NRAP: variants seen among roughly 807,000 people sequenced by gnomAD.
The protein encoded by NRAP is nebulin related anchoring protein.
NRAP carries 189 observed loss-of-function variants against 225.9 expected under a neutral mutation model. That is an observed-to-expected ratio of 0.84 (90% CI 0.74 to 0.94). NRAP has a LOEUF of 0.94. Ranked by LOEUF, NRAP falls within the 40% of genes least tolerant of loss-of-function variation. NRAP has a pLI of 0.00. For synonymous variants in NRAP, 769 were observed against 790.7 expected, an observed-to-expected ratio of 0.97 and a Z score of 0.46; for missense variants, 2,176 against 2,168.7, an observed-to-expected ratio of 1.00 and a Z score of -0.07.
chr10:113,629,842 G>T, intron 18 of NRAP, 57 bp from the exon 19 acceptor site: 1 of 1,224,880 alleles, frequency 8.2e-7, no homozygotes, highest in Non-Finnish European at 1.2e-6. Flanking sequence ...CTTTGCAGGA[G>T]TGATGTGAAA....
chr10:113,637,756 T>G (rs1446823026), intron 14 of NRAP, among the ~76,000 whole-genome samples: 2 of 152,244 alleles, frequency 1.3e-5, no homozygotes, highest in East Asian at 3.9e-4. Context: ...AAACACCATC[T>G]CTACTAAAAA....
At chr10:113,634,077 C>T (rs746930686) in intron 15 of NRAP, 35 bp downstream of exon 15, 2 of 1,429,396 alleles carry the variant, frequency 1.4e-6, no homozygotes, top group East Asian at 4.6e-5. Flanking sequence ...AATTTCAAGA[C>T]CCCTACATCC....
intron 6 of NRAP, 55 bp from the exon 7 acceptor site, chr10:113,651,962 A>G: frequency 1.8e-6 from 2 of 1,103,582 alleles, no homozygotes; most frequent in Non-Finnish European, 2.8e-6. Flanking sequence ...CTCCTCAGTG[A>G]CCTCTCCCTG....
chr10:113,657,591 T>C lies in NRAP; in HGVS notation c.256-17A>G. On this transcript the variant is annotated splice_polypyrimidine_tract_variant and intron_variant, in intron 3 of 41. Transcript: ENST00000359988. ...GTCATGGATCTGCTCAAGGAAGATG[T>C]TGTCAGTAATGTTTCCATCAGAAAA... The C allele has an allele frequency of 1.5e-6, 2 of 1,317,266 alleles. No homozygotes were observed. Among genetic ancestry groups the C allele is most frequent in the Non-Finnish European group, 2.2e-6 (2 of 911,686 alleles). 81.6% of individuals were successfully genotyped at this position (1,317,266 alleles called of 1,614,324 possible). A position where few individuals can be genotyped will look rare whatever the true frequency, so the allele number is the denominator to read the frequency against.
Position 113,651,791 on chromosome 10 carries a change from C to T in NRAP, c.675+12G>A, listed in dbSNP as rs1419424313. 1.9e-6 allele frequency: 3 copies of T among 1,566,072 alleles called. No homozygotes were observed. In the South Asian group the frequency reaches 3.3e-5, roughly 17 times the overall value. On this transcript the variant is annotated intron_variant, in intron 7 of 41. Transcript: ENST00000359988. ...GCCCATCAGTGATGGACTGGCCTCCCTCCTTTCTTACATCACTTTGAAGCT... is the reference window on the plus strand; with the variant it reads ...GCCCATCAGTGATGGACTGGCCTCCTTCCTTTCTTACATCACTTTGAAGCT...
intron 26 of NRAP, among the ~76,000 whole-genome samples, chr10:113,616,350 G>A (rs1250962336): frequency 6.6e-6 from 1 of 152,174 alleles, no homozygotes; most frequent in Non-Finnish European, 1.5e-5. Context: ...GACACATGCA[G>A]TTGGCATCAG....
chr10:113,621,578 T>C (rs750365911), intron 24 of NRAP, among the ~76,000 whole-genome samples: 5 of 152,064 alleles, frequency 3.3e-5, no homozygotes, highest in Non-Finnish European at 5.9e-5. Context: ...GACACAAAGA[T>C]ACCTCCCCCC....
At chr10:113,630,415 G>A (rs1250115342) in intron 18 of NRAP, among the ~76,000 whole-genome samples, 1 of 152,180 alleles carries the variant, frequency 6.6e-6, no homozygotes, top group Non-Finnish European at 1.5e-5. Context: ...TGACAATGGT[G>A]ATGGTAATTA....
intron 41 of NRAP, 63 bp from the exon 42 acceptor site, chr10:113,589,142 G>T: frequency 7.3e-7 from 1 of 1,367,186 alleles, no homozygotes; most frequent in African/African-American, 1.4e-5. Flanking sequence ...CCCGGCCCCG[G>T]TTCCCACAGG....
chr10:113,663,555 T>TA, intron 1 of NRAP, 109 bp from the exon 2 acceptor site: 3 of 726,134 alleles, frequency 4.1e-6, no homozygotes, highest in Non-Finnish European at 6.9e-6. Context: ...ATGCTGATTT[T>TA]AAAAAAATTA....
intron 14 of NRAP, among the ~76,000 whole-genome samples, chr10:113,638,229 C>T (rs1452900463): frequency 6.6e-6 from 1 of 152,124 alleles, no homozygotes; most frequent in Non-Finnish European, 1.5e-5. Context: ...TTACTGAGCA[C>T]AATTACTTTA....
intron 39 of NRAP, among the ~76,000 whole-genome samples, chr10:113,591,399 G>A (rs1238768387): frequency 3.3e-5 from 5 of 152,148 alleles, no homozygotes; most frequent in Non-Finnish European, 7.4e-5. Context: ...TGGTCCTATT[G>A]CATGTGGCTA....
intron 35 of NRAP, among the ~76,000 whole-genome samples, chr10:113,604,039 A>G (rs1411315021): frequency 6.6e-6 from 1 of 152,200 alleles, no homozygotes; most frequent in African/African-American, 2.4e-5. Context: ...TCCTGAGCAC[A>G]GGAATTTTTT....
At chr10:113,593,597 A>C (rs1390781281) in intron 38 of NRAP, among the ~76,000 whole-genome samples, 2 of 152,224 alleles carry the variant, frequency 1.3e-5, no homozygotes, top group African/African-American at 4.8e-5. Flanking sequence ...CACAGAGCCA[A>C]AATGATTAGA....
In NRAP at chr10:113,598,075, T is replaced by C. The variant is rs1212468763; in HGVS notation, c.4228-2A>G. 6.2e-7 allele frequency: 1 copy of C among 1,604,988 alleles called. No individual in the cohort carries two copies. The highest frequency in any genetic ancestry group is 8.5e-7 in the Non-Finnish European group (1 of 1,172,144). ...GATCAGGTCTGACTTGTAGCGCAACTGCAGGGAAAAAAATCATGGGCTTTA... is the reference window on the plus strand; with the variant it reads ...GATCAGGTCTGACTTGTAGCGCAACCGCAGGGAAAAAAATCATGGGCTTTA... On this transcript the variant is annotated splice_acceptor_variant, in intron 35 of 41. Coordinates refer to ENST00000359988, the MANE Select transcript of NRAP (RefSeq NM_198060.4). LOFTEE classifies it high-confidence loss of function.
rs1337733712 is a variant in NRAP at position 113,662,679 on chromosome 10, C to T, written c.255G>A (p.Gly85=). 3 of 1,494,266 alleles carry T rather than the reference C, an allele frequency of 2.0e-6. No individual in the cohort carries two copies. Among genetic ancestry groups the T allele is most frequent in the Non-Finnish European group, 2.8e-6 (3 of 1,070,680 alleles). The allele number at this position is 1,494,266 out of a possible 1,614,324, so 92.6% of individuals were successfully genotyped here. ...TCCCACTGAAAATTAAATAACTTAC[C>T]CCACTGATGGCCTCTGGAAATGTCC... is the stretch of plus-strand genomic sequence containing the variant. ...NVRTFPEAIS[G]IHDQEDGEQC... is the part of the protein sequence containing the mutation. The change falls in exon 3 of 42, where the codon GGG becomes GGA. Residue 85 remains glycine (G), a splice_region_variant and synonymous_variant. Transcript: ENST00000359988.
rs746917707 is a variant in NRAP at position 113,662,704 on chromosome 10, C to G, written c.230G>C (p.Arg77Thr). ...CCCACTGATGGCCTCTGGAAATGTCCTCACATTTAGATTTAATGGAGTGTG... is the reference window on the plus strand; with the variant it reads ...CCCACTGATGGCCTCTGGAAATGTCGTCACATTTAGATTTAATGGAGTGTG... Reference protein sequence around the residue: ...VYHTPLNLNVRTFPEAISGIH... With the variant: ...VYHTPLNLNVTTFPEAISGIH... The change falls in exon 3 of 42, where the codon AGG becomes ACG. Residue 77 changes from arginine (R) to threonine (T), a missense_variant. Physicochemically the swap from Arg to Thr is moderately conservative, Grantham distance 71. Transcript: ENST00000359988. 6.3e-7 allele frequency: 1 copy of G among 1,593,806 alleles called. No homozygotes were observed. The highest frequency in any genetic ancestry group is 8.6e-7 in the Non-Finnish European group (1 of 1,161,600).
intron 23 of NRAP, among the ~76,000 whole-genome samples, chr10:113,622,940 A>G (rs7088367): frequency 0.32 from 48,757 of 152,090 alleles, 9,075 homozygotes; most frequent in African/African-American, 0.52. Flanking sequence ...CTTTCTCGAT[A>G]AAGGAAGCAG....
intron 25 of NRAP, among the ~76,000 whole-genome samples, chr10:113,618,422 C>T (rs1459411650): frequency 6.6e-6 from 1 of 152,228 alleles, no homozygotes; most frequent in Non-Finnish European, 1.5e-5. Context: ...TAGCTCACCA[C>T]CTGTTTCTGT....
Sources: allele counts gnomAD v4.1 joint callset (sites outside exome capture counted in the v4.1 genomes callset), GRCh38; gene constraint gnomAD v4.1.1; transcripts MANE v1.5; gene names NCBI Gene and HGNC (gene_info 2026-07-23, HGNC 2026-07-21).